The following PTPRR variants were observed in gnomAD, a reference collection of about 807,000 sequenced individuals.
The protein encoded by PTPRR is protein tyrosine phosphatase receptor type R, also known as receptor-type tyrosine-protein phosphatase R.
In PTPRR, 38 loss-of-function variants were observed where a neutral mutation model predicts 77.2. The ratio of observed to expected loss-of-function variants is 0.49; its 90% confidence interval spans 0.38 to 0.65. PTPRR has a LOEUF of 0.65. Among genes scored for constraint, PTPRR ranks in the 30% least tolerant of loss-of-function variants. PTPRR has a pLI of 0.00. For missense variants in PTPRR, 744 were observed against 799.2 expected (o/e 0.93, Z 0.83); for synonymous variants, 299 against 283.1 (o/e 1.06, Z -0.57).
intron 2 of PTPRR, among the ~76,000 whole-genome samples, chr12:70,772,863 TCTTAC>T (rs1197048088): frequency 6.6e-6 from 1 of 152,094 alleles, no homozygotes; most frequent in Non-Finnish European, 1.5e-5. Context: ...TTAAAATTTA[TCTTAC>T]TTTATTTTTT....
intron 1 of PTPRR, among the ~76,000 whole-genome samples, chr12:70,903,052 G>A (rs1420059753): frequency 6.6e-6 from 1 of 151,786 alleles, no homozygotes; most frequent in Non-Finnish European, 1.5e-5. Flanking sequence ...ACTTATATGT[G>A]AAATCTAGAA....
intron 12 of PTPRR, among the ~76,000 whole-genome samples, chr12:70,660,432 A>C (rs542574548): frequency 3.3e-5 from 5 of 152,188 alleles, no homozygotes; most frequent in African/African-American, 1.2e-4. Context: ...CTCACTTCTC[A>C]TTTCATAAAT....
chr12:70,804,139 C>CTGTATGTG (rs750599108), intron 2 of PTPRR, among the ~76,000 whole-genome samples: 1 of 137,252 alleles, frequency 7.3e-6, no homozygotes, highest in Non-Finnish European at 1.6e-5. Context: ...GTTCCTGGCT[C>CTGTATGTG]TGTGTGTGTG....
chr12:70,696,348 T>G (rs1372666940), intron 8 of PTPRR, among the ~76,000 whole-genome samples: 3 of 152,202 alleles, frequency 2.0e-5, no homozygotes, highest in Non-Finnish European at 4.4e-5. Context: ...GACTGTTTCT[T>G]ATTTCTTACT....
chr12:70,653,091 A>G (rs1886454761), intron 13 of PTPRR, among the ~76,000 whole-genome samples: 1 of 152,166 alleles, frequency 6.6e-6, no homozygotes, highest in Non-Finnish European at 1.5e-5. Context: ...CTGGCACTAA[A>G]CAAGAACACA....
At chr12:70,663,321 G>A (rs990143795) in intron 10 of PTPRR, among the ~76,000 whole-genome samples, 1 of 152,120 alleles carries the variant, frequency 6.6e-6, no homozygotes, top group South Asian at 2.1e-4. Flanking sequence ...CTTTGAACTC[G>A]GAACCTGAGT....
chr12:70,790,128 A>T (rs973817040), intron 2 of PTPRR, among the ~76,000 whole-genome samples: 1 of 152,182 alleles, frequency 6.6e-6, no homozygotes. Context: ...TATTTCTCAT[A>T]TTAAAACAAA....
chr12:70,785,474 T>C (rs985098184), intron 2 of PTPRR, among the ~76,000 whole-genome samples: 7 of 152,180 alleles, frequency 4.6e-5, no homozygotes, highest in Admixed American at 1.3e-4. Flanking sequence ...TTTTGTATAT[T>C]GTTCTGGAAA....
At chr12:70,766,925 G>A (rs1890839166) in intron 2 of PTPRR, among the ~76,000 whole-genome samples, 1 of 152,096 alleles carries the variant, frequency 6.6e-6, no homozygotes, top group Non-Finnish European at 1.5e-5. Flanking sequence ...AGCTTCATAA[G>A]TGAAGGAGAA....
At chr12:70,794,610 G>A (rs1013278288) in intron 2 of PTPRR, among the ~76,000 whole-genome samples, 26 of 152,184 alleles carry the variant, frequency 1.7e-4, no homozygotes, top group African/African-American at 5.8e-4. Flanking sequence ...GAAAAGACAC[G>A]AGAGAAGACT....
Position 70,766,161 on chromosome 12 carries a change from A to G in PTPRR, c.358-1383T>C, listed in dbSNP as rs572295726. Among the ~76,000 whole-genome samples the G allele has an allele frequency of 9.8e-5, 15 of 152,368 alleles. No homozygotes were observed. In the East Asian group the frequency reaches 1.7e-3, roughly 18 times the overall value. On this transcript the variant is annotated intron_variant, in intron 2 of 13. Transcript: ENST00000283228. ...CACCAGCAACGGAACAAAGCTGGAC[A>G]GAGAATGACTTTGACGAGTTGAGAG...
intron 2 of PTPRR, among the ~76,000 whole-genome samples, chr12:70,823,064 TTC>T (rs376433620): frequency 1.8e-4 from 27 of 148,976 alleles, no homozygotes; most frequent in African/African-American, 4.0e-4. Flanking sequence ...CAACACAAAG[TTC>T]TCTCTCTCTC....
chr12:70,863,736 T>C (rs1231768818), intron 2 of PTPRR, among the ~76,000 whole-genome samples: 1 of 151,014 alleles, frequency 6.6e-6, no homozygotes, highest in Non-Finnish European at 1.5e-5. Context: ...TTCATCACTG[T>C]TTTTGTGTTC....
At chr12:70,757,958 C>G (rs1373089190) in intron 4 of PTPRR, among the ~76,000 whole-genome samples, 1 of 152,146 alleles carries the variant, frequency 6.6e-6, no homozygotes, top group African/African-American at 2.4e-5. Flanking sequence ...TGCAGGGCTT[C>G]TTTAGGTTGT....
chr12:70,686,121 G>A (rs1887859635), intron 8 of PTPRR, among the ~76,000 whole-genome samples: 1 of 152,144 alleles, frequency 6.6e-6, no homozygotes, highest in Non-Finnish European at 1.5e-5. Flanking sequence ...GTGGAGTGTG[G>A]TGTAAAAACA....
chr12:70,699,794 C>T (rs973573529), intron 7 of PTPRR, among the ~76,000 whole-genome samples: 1 of 152,292 alleles, frequency 6.6e-6, no homozygotes, highest in East Asian at 1.9e-4. Context: ...ATTTCAAGCA[C>T]GTCAGTGTCT....
intron 1 of PTPRR, among the ~76,000 whole-genome samples, chr12:70,912,548 G>T (rs1334180227): frequency 6.6e-6 from 1 of 152,180 alleles, no homozygotes; most frequent in African/African-American, 2.4e-5. Context: ...CATTTGCTAA[G>T]TTCTAGACTG....
intron 10 of PTPRR, among the ~76,000 whole-genome samples, chr12:70,665,142 A>G (rs1417376784): frequency 6.6e-6 from 1 of 152,136 alleles, no homozygotes; most frequent in Non-Finnish European, 1.5e-5. Flanking sequence ...ACCCCAAATC[A>G]TCACTATTCT....
chr12:70,812,465 T>G (rs1241270419), intron 2 of PTPRR, among the ~76,000 whole-genome samples: 1 of 152,206 alleles, frequency 6.6e-6, no homozygotes, highest in South Asian at 2.1e-4. Context: ...AAAATCCACA[T>G]GCCCACTCCA....
Sources: allele counts gnomAD v4.1 joint callset (sites outside exome capture counted in the v4.1 genomes callset), GRCh38; gene constraint gnomAD v4.1.1; transcripts MANE v1.5; gene names NCBI Gene and HGNC (gene_info 2026-07-23, HGNC 2026-07-21).